COL4A1: variants seen among roughly 807,000 people sequenced by gnomAD.
COL4A1 encodes collagen alpha-1(IV) chain.
Under a neutral mutation model 216.6 loss-of-function variants are expected in COL4A1, and 40 were observed. The ratio of observed to expected loss-of-function variants is 0.18; its 90% CI spans 0.14 to 0.24. The LOEUF (loss-of-function observed/expected upper bound fraction) is 0.24. Ranked by LOEUF, COL4A1 falls within the 10% of genes least tolerant of loss-of-function variation. The pLI is 1.00. For synonymous variants in COL4A1, 839 were observed against 810.7 expected, an observed-to-expected ratio of 1.03 and a Z score of -0.59; for missense variants, 1,628 against 2,196.8, an observed-to-expected ratio of 0.74 and a Z score of 5.18.
chr13:110,295,915 G>A (rs574603102), intron 1 of COL4A1, among the ~76,000 whole-genome samples: 131 of 152,348 alleles, frequency 8.6e-4, no homozygotes, highest in Non-Finnish European at 1.1e-3. Context: ...AGACAGGTGC[G>A]CTTTCTAGCG....
In COL4A1 at chr13:110,210,207, A is replaced by C. The variant is rs1472592735; in HGVS notation, c.474T>G (p.Asp158Glu). 1.2e-6 allele frequency: 2 copies of C among 1,613,536 alleles called. No individual in the cohort carries two copies. Among genetic ancestry groups the C allele is most frequent in the African/African-American group, 2.7e-5 (2 of 75,034 alleles). Residue 158 changes from aspartate (D) to glutamate (E), a missense_variant, in exon 9 of 52, where the codon GAT (aspartate) becomes GAG (glutamate). Physicochemically the swap from Asp to Glu is conservative, Grantham distance 45. Around this residue, in one of 8 missense-constraint regions of COL4A1, gnomAD observed 150 missense variants for 211.9 expected, o/e 0.71. Coordinates refer to ENST00000375820, the MANE Select transcript of COL4A1 (RefSeq NM_001845.6). ...GCACATGGCCAAGTATCTCACCTGG[A>C]TCACCCTAGAGGATGAAGAAAGAAA... ...GPPGLPGMKG[D>E]PGEILGHVPG...
chr13:110,235,694 T>A (rs1479568023), intron 2 of COL4A1, among the ~76,000 whole-genome samples: 1 of 149,108 alleles, frequency 6.7e-6, no homozygotes, highest in East Asian at 2.0e-4. Flanking sequence ...AGAAAGATAA[T>A]CATACAAGAA....
At chr13:110,286,761 C>A (rs906184259) in intron 1 of COL4A1, among the ~76,000 whole-genome samples, 1 of 152,198 alleles carries the variant, frequency 6.6e-6, no homozygotes, top group African/African-American at 2.4e-5. Context: ...TACATGGATG[C>A]CTGGACTCAG....
chr13:110,160,449 C>CA (rs71127918), intron 49 of COL4A1, among the ~76,000 whole-genome samples: 85,092 of 107,980 alleles, frequency 0.79, 33,290 homozygotes, highest in East Asian at 0.86. Context: ...GACTCCGTCT[C>CA]AAAAAAAAAA....
chr13:110,232,620 A>G (rs1881114279), intron 2 of COL4A1, among the ~76,000 whole-genome samples: 1 of 152,188 alleles, frequency 6.6e-6, no homozygotes, highest in South Asian at 2.1e-4. Context: ...TCAAGATCAT[A>G]TTTACAAAAA....
intron 1 of COL4A1, chr13:110,298,851 AAGC>A (rs1208318778): frequency 2.0e-5 from 3 of 152,338 alleles, no homozygotes; most frequent in African/African-American, 7.2e-5. Flanking sequence ...CTCAGACTGA[AAGC>A]AGATCAGTTC....
intron 50 of COL4A1, among the ~76,000 whole-genome samples, chr13:110,153,120 A>T (rs1876588535): frequency 6.6e-6 from 1 of 152,236 alleles, no homozygotes; most frequent in Admixed American, 6.5e-5. Context: ...TACAAACTTG[A>T]CTAAGACATT....
At chr13:110,295,815 G>A (rs1884254134) in intron 1 of COL4A1, among the ~76,000 whole-genome samples, 1 of 152,174 alleles carries the variant, frequency 6.6e-6, no homozygotes, top group Non-Finnish European at 1.5e-5. Context: ...CCCACCTCTG[G>A]AGCCCCAGAG....
intron 1 of COL4A1, among the ~76,000 whole-genome samples, chr13:110,306,379 G>A (rs552156421): frequency 1.3e-5 from 2 of 152,336 alleles, no homozygotes; most frequent in East Asian, 3.9e-4. Flanking sequence ...GCCTTGGAGC[G>A]CGCCTTAGGC....
intron 1 of COL4A1, among the ~76,000 whole-genome samples, chr13:110,289,050 T>C (rs777864448): frequency 2.6e-5 from 4 of 151,184 alleles, no homozygotes; most frequent in Non-Finnish European, 5.9e-5. Flanking sequence ...AAAAAAAAGA[T>C]GCGTGTCACA....
chr13:110,154,218 C>T (rs1594529035), intron 50 of COL4A1, among the ~76,000 whole-genome samples: 1 of 152,194 alleles, frequency 6.6e-6, no homozygotes, highest in African/African-American at 2.4e-5. Flanking sequence ...TGGCAAATTC[C>T]GGGATAACTC....
At chr13:110,223,813 C>G (rs1880614834) in intron 2 of COL4A1, among the ~76,000 whole-genome samples, 1 of 152,054 alleles carries the variant, frequency 6.6e-6, no homozygotes, top group Non-Finnish European at 1.5e-5. Context: ...GGGTGACACC[C>G]CAAGGATGGC....
chr13:110,150,366 T>G lies in COL4A1; in HGVS notation c.5007A>C (p.Thr1669=). 6.2e-7 allele frequency: 1 copy of G among 1,613,912 alleles called. No homozygotes were observed. The highest frequency in any genetic ancestry group is 8.5e-7 in the Non-Finnish European group (1 of 1,179,932). Reference sequence around the variant, plus strand: ...ACATTAGCTGAGTCAGGCTTCATTATGTTCTTCTCATACAGACTTGGCAGC... The same window carrying G: ...ACATTAGCTGAGTCAGGCTTCATTAGGTTCTTCTCATACAGACTTGGCAGC... ...VSRCQVCMRR[T] Residue 1669 remains threonine, a synonymous_variant, in exon 52 of 52, where the codon ACA becomes ACC. Coordinates refer to ENST00000375820, the MANE Select transcript of COL4A1 (RefSeq NM_001845.6).
chr13:110,292,609 A>C (rs1002974648), intron 1 of COL4A1, among the ~76,000 whole-genome samples: 2 of 152,224 alleles, frequency 1.3e-5, no homozygotes, highest in African/African-American at 2.4e-5. Flanking sequence ...AGGGGAGGCA[A>C]GGCATGTCTT....
At chr13:110,235,864 A>G (rs1403006247) in intron 2 of COL4A1, among the ~76,000 whole-genome samples, 1 of 152,156 alleles carries the variant, frequency 6.6e-6, no homozygotes, top group Non-Finnish European at 1.5e-5. Flanking sequence ...TAATGAAAAC[A>G]TGGCTAAAAC....
At chr13:110,163,671 A>C in intron 46 of COL4A1, 110 bp from the exon 47 acceptor site, 17 of 1,047,382 alleles carry the variant, frequency 1.6e-5, no homozygotes, top group Non-Finnish European at 2.3e-5. Flanking sequence ...ATAAAGTCTC[A>C]CTGCAGATGA....
chr13:110,280,113 C>T (rs1040716623), intron 1 of COL4A1, among the ~76,000 whole-genome samples: 2 of 152,160 alleles, frequency 1.3e-5, no homozygotes, highest in Non-Finnish European at 2.9e-5. Context: ...AAATCCATTA[C>T]CAAATGATGA....
At chr13:110,264,883 T>A (rs1280831027) in intron 1 of COL4A1, among the ~76,000 whole-genome samples, 1 of 152,210 alleles carries the variant, frequency 6.6e-6, no homozygotes, top group Non-Finnish European at 1.5e-5. Context: ...CACCACGTGA[T>A]CCCAGGGCAT....
At position 110,259,300 on chromosome 13, in the gene COL4A1, T is replaced by G. The variant is rs552842334; in HGVS notation, c.85-16566A>C. 3.9e-5 allele frequency among the ~76,000 whole-genome samples: 6 copies of G among 152,370 alleles called. No homozygotes were observed. The South Asian group carries it at 1.0e-3, about 26-fold the overall frequency. On this transcript the variant is annotated intron_variant, in intron 1 of 51. Coordinates refer to ENST00000375820, the MANE Select transcript of COL4A1 (RefSeq NM_001845.6). ...AATTAGGTGGTTCTAACTCACTCAG[T>G]CCAGTGACTAATTGCATGATTCACT...
Sources: allele counts gnomAD v4.1 joint callset (sites outside exome capture counted in the v4.1 genomes callset), GRCh38; gene constraint gnomAD v4.1.1; regional missense constraint gnomAD v4.1.1; transcripts MANE v1.5; gene names NCBI Gene and HGNC (gene_info 2026-07-23, HGNC 2026-07-21).